The following ARHGAP42 variants were observed in gnomAD, a reference collection of about 807,000 sequenced individuals.
ARHGAP42 encodes Rho GTPase activating protein 42, also known as rho GTPase-activating protein 42.
ARHGAP42 carries 63 observed loss-of-function variants against 125.0 expected under a neutral mutation model. That is an observed-to-expected ratio of 0.50 (90% confidence interval 0.41 to 0.62). ARHGAP42 has a LOEUF of 0.62. Ranked by LOEUF, ARHGAP42 falls within the 20% of genes least tolerant of loss-of-function variation. The pLI, the probability that ARHGAP42 is intolerant of heterozygous loss-of-function variation, is 0.00. For synonymous variants in ARHGAP42, 339 were observed against 351.0 expected, an observed-to-expected ratio of 0.97 and a Z score of 0.38; for missense variants, 766 against 1,024.2, an observed-to-expected ratio of 0.75 and a Z score of 3.44.
intron 4 of ARHGAP42, among the ~76,000 whole-genome samples, chr11:100,878,515 C>G (rs1203547632): frequency 6.6e-6 from 1 of 152,146 alleles, no homozygotes; most frequent in Non-Finnish European, 1.5e-5. Context: ...CAGGGACCTG[C>G]TTTAAAAATC....
At chr11:100,757,500 A>C (rs4495864) in intron 1 of ARHGAP42, among the ~76,000 whole-genome samples, 81,779 of 152,010 alleles carry the variant, frequency 0.54, 22,470 homozygotes, top group African/African-American at 0.67. Flanking sequence ...AAGTCAATCT[A>C]TTAAAAGTGG....
At chr11:100,842,674 A>C (rs1318556130) in intron 3 of ARHGAP42, among the ~76,000 whole-genome samples, 1 of 152,132 alleles carries the variant, frequency 6.6e-6, no homozygotes, top group Non-Finnish European at 1.5e-5. Context: ...AACCCTTCAA[A>C]ACCATGCAAA....
chr11:100,833,436 T>C (rs1864707976), intron 3 of ARHGAP42, among the ~76,000 whole-genome samples: 1 of 152,210 alleles, frequency 6.6e-6, no homozygotes, highest in Non-Finnish European at 1.5e-5. Context: ...ATCTGCAGTT[T>C]GGGCAGGGCT....
At chr11:100,797,281 C>G (rs2135036317) in intron 3 of ARHGAP42, among the ~76,000 whole-genome samples, 1 of 152,310 alleles carries the variant, frequency 6.6e-6, no homozygotes, top group East Asian at 1.9e-4. Context: ...CTATACTAAA[C>G]AACAGAATTT....
intron 4 of ARHGAP42, among the ~76,000 whole-genome samples, chr11:100,878,324 C>T (rs947155898): frequency 6.6e-6 from 1 of 151,870 alleles, no homozygotes; most frequent in Admixed American, 6.6e-5. Flanking sequence ...CCAGCTTTTC[C>T]TAGGCCTCAC....
rs759591278 is a variant in ARHGAP42, at chr11:100,941,788, G to A, written c.837G>A (p.Pro279=). The A allele has an allele frequency of 6.6e-5, 99 of 1,502,296 alleles. No individual in the cohort carries two copies. The East Asian group carries it at 2.2e-3, about 33-fold the overall frequency. The allele number at this position is 1,502,296 out of a possible 1,614,324, so 93.1% of individuals were successfully genotyped here. ...EGYLYVQEKR[P]LGFTWIKHYC... ...TTTTTTGTTTCCTTACATTAGGACC[G>A]CTTGGTTTTACATGGATTAAACATT... Residue 279 remains proline (P), a synonymous_variant, in exon 9 of 24, where the codon CCG becomes CCA. Coordinates refer to ENST00000298815, the MANE Select transcript of ARHGAP42 (RefSeq NM_152432.4).
intron 3 of ARHGAP42, among the ~76,000 whole-genome samples, chr11:100,827,595 G>A (rs1864553394): frequency 6.6e-6 from 1 of 152,224 alleles, no homozygotes. Flanking sequence ...AACCTCATCA[G>A]TATGAGGCTG....
chr11:100,690,407 G>A (rs1861166409), intron 1 of ARHGAP42, among the ~76,000 whole-genome samples: 1 of 151,768 alleles, frequency 6.6e-6, no homozygotes, highest in African/African-American at 2.4e-5. Flanking sequence ...GGTAATACAC[G>A]CCTGACTATT....
intron 22 of ARHGAP42, among the ~76,000 whole-genome samples, chr11:100,983,654 A>G (rs777129051): frequency 9.2e-5 from 14 of 152,226 alleles, no homozygotes; most frequent in Middle Eastern, 3.4e-3. Flanking sequence ...ATACTTTGTT[A>G]CTCACTTTTT....
In ARHGAP42 at chr11:100,846,538, T is replaced by C. The variant is rs200207666; in HGVS notation, c.313-13016T>C. 6.6e-5 allele frequency among the ~76,000 whole-genome samples: 10 copies of C among 152,272 alleles called. No homozygotes were observed. The East Asian group carries it at 1.9e-3, about 29-fold the overall frequency. ...TACCCCCACTTCCAACCAATAAGCT[T>C]ATATCAATAAATATTTGTTGGCTAG... On this transcript the variant is annotated intron_variant, in intron 3 of 23. Coordinates refer to ENST00000298815, the MANE Select transcript of ARHGAP42 (RefSeq NM_152432.4).
intron 4 of ARHGAP42, among the ~76,000 whole-genome samples, chr11:100,870,278 G>A (rs1190173796): frequency 6.6e-6 from 1 of 152,160 alleles, no homozygotes; most frequent in Non-Finnish European, 1.5e-5. Flanking sequence ...CCAATAGTGA[G>A]GAGTTAAGCT....
chr11:100,734,990 A>G (rs550062217), intron 1 of ARHGAP42, among the ~76,000 whole-genome samples: 1 of 151,712 alleles, frequency 6.6e-6, no homozygotes, highest in East Asian at 1.9e-4. Context: ...TCTGAAAACA[A>G]CTACAACAAC....
chr11:100,762,970 ATTTTTTTT>A (rs553749625), intron 1 of ARHGAP42, among the ~76,000 whole-genome samples: 26,985 of 85,276 alleles, frequency 0.32, 2,887 homozygotes, highest in Middle Eastern at 0.38. Flanking sequence ...GTTTATAGTG[ATTTTTTTT>A]TTTTTTTTTT....
chr11:100,949,627 G>A (rs1868121642), intron 11 of ARHGAP42, among the ~76,000 whole-genome samples: 1 of 152,108 alleles, frequency 6.6e-6, no homozygotes, highest in Non-Finnish European at 1.5e-5. Flanking sequence ...CCTGAGAAAG[G>A]CTCATTATGC....
intron 3 of ARHGAP42, among the ~76,000 whole-genome samples, chr11:100,800,337 G>C (rs904900936): frequency 6.6e-6 from 1 of 152,184 alleles, no homozygotes; most frequent in Non-Finnish European, 1.5e-5. Flanking sequence ...GGTTCACTGG[G>C]AACAGAGGGG....
intron 4 of ARHGAP42, among the ~76,000 whole-genome samples, chr11:100,891,350 C>T (rs1021686781): frequency 6.6e-6 from 1 of 151,928 alleles, no homozygotes; most frequent in African/African-American, 2.4e-5. Context: ...ACATTTATTA[C>T]CCGTCTGCAT....
intron 4 of ARHGAP42, among the ~76,000 whole-genome samples, chr11:100,876,757 T>C (rs1221961435): frequency 6.6e-6 from 1 of 152,230 alleles, no homozygotes; most frequent in Non-Finnish European, 1.5e-5. Context: ...CCATTTATAT[T>C]CATCATAGTA....
At chr11:100,862,769 G>A (rs1009324009) in intron 4 of ARHGAP42, among the ~76,000 whole-genome samples, 20 of 152,100 alleles carry the variant, frequency 1.3e-4, no homozygotes, top group African/African-American at 4.6e-4. Flanking sequence ...GGTGGCTCAT[G>A]CCGGTAATCC....
chr11:100,834,298 A>G (rs570704023), intron 3 of ARHGAP42, among the ~76,000 whole-genome samples: 19 of 152,178 alleles, frequency 1.2e-4, no homozygotes, highest in Non-Finnish European at 1.9e-4. Flanking sequence ...TTATGCTTCT[A>G]TACTCATAGC....
Sources: allele counts gnomAD v4.1 joint callset (sites outside exome capture counted in the v4.1 genomes callset), GRCh38; gene constraint gnomAD v4.1.1; transcripts MANE v1.5; gene names NCBI Gene and HGNC (gene_info 2026-07-23, HGNC 2026-07-21).